Variants in FGD3 observed in about 807,000 individuals in gnomAD.
FGD3 encodes FYVE, RhoGEF and PH domain containing 3.
In FGD3, 45 loss-of-function variants were observed where a neutral mutation model predicts 71.8. The ratio of observed to expected loss-of-function variants is 0.63; its 90% CI spans 0.49 to 0.80. The LOEUF (loss-of-function observed/expected upper bound fraction) is 0.80. FGD3 is among the 30% of genes least tolerant of loss of function. The probability of loss-of-function intolerance (pLI) is 0.00; values close to 1 mark genes in which losing one functional copy is unlikely to be tolerated. For synonymous variants in FGD3, 378 were observed against 392.8 expected, an observed-to-expected ratio of 0.96 and a Z score of 0.44; for missense variants, 844 against 951.5, an observed-to-expected ratio of 0.89 and a Z score of 1.49.
At chr9:93,023,402 G>A (rs1049559389) in intron 14 of FGD3, among the ~76,000 whole-genome samples, 5 of 152,216 alleles carry the variant, frequency 3.3e-5, no homozygotes, top group Admixed American at 6.5e-5. Flanking sequence ...GTGTGGAGGC[G>A]TGGGGGGCTT....
chr9:93,009,147 C>A (rs1395106977), intron 6 of FGD3, among the ~76,000 whole-genome samples: 1 of 151,776 alleles, frequency 6.6e-6, no homozygotes, highest in Admixed American at 6.6e-5. Flanking sequence ...CCTGTAATCC[C>A]AGTTACTTAG....
At chr9:92,999,784 G>A (rs1587842260) in intron 3 of FGD3, among the ~76,000 whole-genome samples, 1 of 151,922 alleles carries the variant, frequency 6.6e-6, no homozygotes, top group East Asian at 1.9e-4. Flanking sequence ...AGTTGAGATG[G>A]GGTTTTACCA....
chr9:92,999,588 C>A (rs1373682929), intron 3 of FGD3, among the ~76,000 whole-genome samples: 2 of 148,004 alleles, frequency 1.4e-5, no homozygotes, highest in African/African-American at 4.9e-5. Flanking sequence ...CATCTTGGAA[C>A]CTTTTTTTTT....
intron 3 of FGD3, among the ~76,000 whole-genome samples, chr9:92,982,140 C>T (rs764035773): frequency 3.7e-4 from 57 of 152,152 alleles, no homozygotes; most frequent in Non-Finnish European, 6.6e-4. Flanking sequence ...CCCTCTCTTC[C>T]TCCTACGCTT....
chr9:92,968,335 GTGC>G (rs766585120), intron 1 of FGD3, among the ~76,000 whole-genome samples: 14 of 152,118 alleles, frequency 9.2e-5, no homozygotes, highest in Non-Finnish European at 2.1e-4. Flanking sequence ...AAACGGGGAG[GTGC>G]TGCGTTGATC....
intron 1 of FGD3, among the ~76,000 whole-genome samples, chr9:92,955,804 A>G (rs1859040785): frequency 6.6e-6 from 1 of 152,206 alleles, no homozygotes; most frequent in South Asian, 2.1e-4. Context: ...AGAATGTTAT[A>G]TAAACGGAGT....
At chr9:93,029,780 CT>C (rs1862284080) in intron 14 of FGD3, 93 bp from the exon 15 acceptor site, 1 of 1,507,032 alleles carries the variant, frequency 6.6e-7, no homozygotes, top group Non-Finnish European at 9.0e-7. Context: ...GCCTGTGTGG[CT>C]TTTACAGTCA....
At chr9:93,021,367 G>A (rs1469311968) in intron 13 of FGD3, among the ~76,000 whole-genome samples, 2 of 152,294 alleles carry the variant, frequency 1.3e-5, no homozygotes, top group East Asian at 3.9e-4. Context: ...GGGAGTCAGG[G>A]CTGCAGCCCC....
rs150331386 is a variant in FGD3, at chr9:92,998,989, C to G, written c.454-3936C>G. Among the ~76,000 whole-genome samples, 74 of 152,336 alleles carry G rather than the reference C, an allele frequency of 4.9e-4. No individual in the cohort carries two copies. In the East Asian group the frequency reaches 0.013, roughly 26 times the overall value. ...ACTCTGTGCTGGGAGAAGCACTACT[C>G]TCTTCAAAGCTGTCAGACAGGGACG... On this transcript the variant is annotated intron_variant, in intron 3 of 17. Coordinates refer to ENST00000375482, the MANE Select transcript of FGD3 (RefSeq NM_001083536.2).
At position 92,985,324 on chromosome 9, in the gene FGD3, C is replaced by T. The variant is rs144173341; in HGVS notation, c.453+8615C>T. On this transcript the variant is annotated intron_variant, in intron 3 of 17. Coordinates refer to ENST00000375482, the MANE Select transcript of FGD3 (RefSeq NM_001083536.2). ...TTTCCTTAGCCCTGTCCTCCTGATT[C>T]TACTCCCAGTTATAAAAGACTGAGG... Among the ~76,000 whole-genome samples the T allele has an allele frequency of 4.4e-3, 663 of 152,330 alleles. 7 individuals are homozygous for T. Among genetic ancestry groups the T allele is most frequent in the African/African-American group, 0.015 (637 of 41,576 alleles).
At chr9:92,994,183 C>A (rs1355957617) in intron 3 of FGD3, among the ~76,000 whole-genome samples, 1 of 152,018 alleles carries the variant, frequency 6.6e-6, no homozygotes, top group African/African-American at 2.4e-5. Flanking sequence ...TGGTATCTCA[C>A]GGTGGTTTTG....
intron 15 of FGD3, 195 bp from the exon 16 acceptor site, chr9:93,032,574 A>C: frequency 1.7e-6 from 1 of 602,164 alleles, no homozygotes; most frequent in Non-Finnish European, 3.0e-6. Context: ...CCAGACGCCC[A>C]GCAGGGCCAG....
intron 6 of FGD3, among the ~76,000 whole-genome samples, chr9:93,007,134 A>G (rs1311139760): frequency 6.6e-6 from 1 of 151,834 alleles, no homozygotes; most frequent in African/African-American, 2.4e-5. Flanking sequence ...TCTGTAGCCC[A>G]GGCTGGAGTG....
chr9:92,950,404 G>A lies in FGD3; in HGVS notation c.-218+2675G>A, dbSNP rs377069810. On this transcript the variant is annotated intron_variant, in intron 1 of 17. Transcript: ENST00000375482. ...TACACACTCCAGCCTGGGCGACAGA[G>A]CAAGATTCCATCTCAAAAAAAAAAA... is the stretch of plus-strand genomic sequence containing the variant. Among the ~76,000 whole-genome samples the A allele has an allele frequency of 5.0e-3, 756 of 149,988 alleles. 5 individuals carry two copies. Among genetic ancestry groups the A allele is most frequent in the African/African-American group, 0.018 (714 of 40,612 alleles).
chr9:92,991,056 T>A (rs1016942174), intron 3 of FGD3, among the ~76,000 whole-genome samples: 2 of 151,688 alleles, frequency 1.3e-5, no homozygotes, highest in Non-Finnish European at 2.9e-5. Context: ...GGACTTTTTT[T>A]GTTTGGAGAT....
chr9:92,980,407 A>G (rs978249170), intron 3 of FGD3, among the ~76,000 whole-genome samples: 6 of 151,864 alleles, frequency 4.0e-5, no homozygotes, highest in African/African-American at 9.7e-5. Flanking sequence ...TGGTTTTCCT[A>G]TTGTCTTTCT....
At chr9:92,956,930 C>T (rs367640430) in intron 1 of FGD3, among the ~76,000 whole-genome samples, 8 of 150,902 alleles carry the variant, frequency 5.3e-5, no homozygotes, top group African/African-American at 1.7e-4. Context: ...CCTTGACCTC[C>T]GGGGCTCAAG....
chr9:92,952,480 G>A (rs532101214), intron 1 of FGD3, among the ~76,000 whole-genome samples: 2 of 151,850 alleles, frequency 1.3e-5, no homozygotes, highest in Non-Finnish European at 2.9e-5. Context: ...CTCGTGATCC[G>A]CCTGCCTCGC....
chr9:93,015,057 C>T (rs554539775), intron 9 of FGD3, among the ~76,000 whole-genome samples: 187 of 144,244 alleles, frequency 1.3e-3, no homozygotes, highest in African/African-American at 4.1e-3. Context: ...TTTTGCCTTT[C>T]CCAAATGTCA....
Sources: gnomAD v4.1 joint callset for allele counts (sites outside exome capture counted in the v4.1 genomes callset) on GRCh38, gnomAD v4.1.1 for gene constraint, MANE v1.5 for transcripts, NCBI Gene and HGNC (gene_info 2026-07-23, HGNC 2026-07-21) for gene names.